SEMA6A: variants seen among roughly 807,000 people sequenced by gnomAD.
SEMA6A encodes semaphorin 6A.
SEMA6A carries 25 observed loss-of-function variants against 96.8 expected under a neutral mutation model. That is an observed-to-expected ratio of 0.26 (90% CI 0.19 to 0.36). SEMA6A has a LOEUF of 0.36. Among genes scored for constraint, SEMA6A ranks in the 10% least tolerant of loss-of-function variants. The pLI is 1.00. For synonymous variants in SEMA6A, 612 were observed against 518.0 expected (o/e 1.18, Z -2.46); for missense variants, 1,363 against 1,323.1 (o/e 1.03, Z -0.47).
At chr5:116,544,581 G>C (rs910730974) in intron 1 of SEMA6A, among the ~76,000 whole-genome samples, 20 of 152,176 alleles carry the variant, frequency 1.3e-4, no homozygotes, top group Admixed American at 3.3e-4. Context: ...TTACAGGCAT[G>C]AGCCATTGTA....
intron 1 of SEMA6A, among the ~76,000 whole-genome samples, chr5:116,511,063 A>G (rs1018543580): frequency 5.9e-5 from 9 of 152,192 alleles, no homozygotes; most frequent in African/African-American, 1.9e-4. Flanking sequence ...GCACATAGTA[A>G]ATACAGTCGT....
At chr5:116,558,096 C>T (rs1416064834) in intron 1 of SEMA6A, among the ~76,000 whole-genome samples, 1 of 152,098 alleles carries the variant, frequency 6.6e-6, no homozygotes, top group Non-Finnish European at 1.5e-5. Flanking sequence ...TTCTCTAGAA[C>T]CTTTCTAGAT....
chr5:116,476,517 T>G (rs1756457728), intron 15 of SEMA6A, among the ~76,000 whole-genome samples: 1 of 152,174 alleles, frequency 6.6e-6, no homozygotes, highest in African/African-American at 2.4e-5. Flanking sequence ...TTTCTAGTGG[T>G]AATGACAGCC....
chr5:116,552,744 A>G (rs1182861265), intron 1 of SEMA6A, among the ~76,000 whole-genome samples: 1 of 152,194 alleles, frequency 6.6e-6, no homozygotes, highest in Non-Finnish European at 1.5e-5. Flanking sequence ...AAGTGTTACT[A>G]ATGGGGCACT....
At chr5:116,473,200 C>T in intron 16 of SEMA6A, 107 bp from the exon 17 acceptor site, 4 of 1,057,228 alleles carry the variant, frequency 3.8e-6, no homozygotes, top group Non-Finnish European at 5.6e-6. Context: ...GCGTATGGTC[C>T]CCGATACTAA....
At chr5:116,536,084 G>C (rs1759693171) in intron 1 of SEMA6A, among the ~76,000 whole-genome samples, 1 of 152,078 alleles carries the variant, frequency 6.6e-6, no homozygotes, top group African/African-American at 2.4e-5. Flanking sequence ...CTTTGCATAG[G>C]AAAGTTCTTA....
At chr5:116,503,169 GGAAA>G (rs1029140892) in intron 2 of SEMA6A, among the ~76,000 whole-genome samples, 3 of 152,156 alleles carry the variant, frequency 2.0e-5, no homozygotes, top group Non-Finnish European at 4.4e-5. Context: ...AAACTCAGGA[GGAAA>G]GAAAGATGAG....
At chr5:116,503,088 T>A (rs1320831124) in intron 2 of SEMA6A, among the ~76,000 whole-genome samples, 1 of 152,166 alleles carries the variant, frequency 6.6e-6, no homozygotes, top group African/African-American at 2.4e-5. Context: ...ATCTGGCCTT[T>A]AAAAATACCT....
chr5:116,566,407 T>C (rs1243859975), intron 1 of SEMA6A, among the ~76,000 whole-genome samples: 2 of 152,198 alleles, frequency 1.3e-5, no homozygotes, highest in African/African-American at 2.4e-5. Flanking sequence ...TGAGGAAGTA[T>C]CTATTACTAA....
In SEMA6A at chr5:116,554,041, G is replaced by C. The variant is rs1381624770; in HGVS notation, c.-39+20144C>G. Among the ~76,000 whole-genome samples the C allele has an allele frequency of 2.6e-5, 4 of 152,098 alleles. 1 individual carries two copies. The highest frequency in any genetic ancestry group is 6.6e-5 in the Admixed American group (1 of 15,260). ...GAGACTTCAATAGGTAATGATAGGAGGAGGGCCACAGAGAGCCCTATAGTA... is the reference window on the plus strand; with the variant it reads ...GAGACTTCAATAGGTAATGATAGGACGAGGGCCACAGAGAGCCCTATAGTA... On this transcript the variant is annotated intron_variant, in intron 1 of 18. Coordinates refer to ENST00000343348, the MANE Select transcript of SEMA6A (RefSeq NM_020796.5).
In SEMA6A at chr5:116,502,221, G is replaced by A. The variant is rs773637913; in HGVS notation, c.207C>T (p.Tyr69=). 6.2e-7 allele frequency: 1 copy of A among 1,613,800 alleles called. No individual in the cohort carries two copies. The highest frequency in any genetic ancestry group is 1.1e-5 in the South Asian group (1 of 91,074). The change falls in exon 3 of 19, where the codon TAC becomes TAT. Residue 69 remains tyrosine (Y), a synonymous_variant. Transcript: ENST00000343348. ...QMIMIMNGTL[Y]IAARDHIYTV... Reference sequence around the variant, plus strand: ...AAAAGGCCCCTTACCTAGCAGCAATGTAGAGGGTTCCGTTCATGATCATAA... The same window carrying A: ...AAAAGGCCCCTTACCTAGCAGCAATATAGAGGGTTCCGTTCATGATCATAA...
Position 116,446,605 on chromosome 5 carries a change from C to G in SEMA6A, c.*8G>C, listed in dbSNP as rs756679773. 2 of 1,471,482 alleles carry G rather than the reference C, an allele frequency of 1.4e-6. No individual in the cohort carries two copies. The highest frequency in any genetic ancestry group is 1.8e-6 in the Non-Finnish European group (2 of 1,108,954). 91.2% of individuals were successfully genotyped at this position (1,471,482 alleles called of 1,614,324 possible). On this transcript the variant is annotated 3_prime_UTR_variant, in exon 19 of 19. Coordinates refer to ENST00000343348, the MANE Select transcript of SEMA6A (RefSeq NM_020796.5). ...GCTGGTTCGACACCTGACCCCCTCC[C>G]CCTGGGATTATGTACACGCATCATT...
intron 6 of SEMA6A, chr5:116,492,396 A>G (rs757022379): frequency 6.6e-6 from 1 of 152,242 alleles, no homozygotes; most frequent in Middle Eastern, 3.2e-3. Flanking sequence ...AAAGGTCCAG[A>G]GGCAAAAGCC....
intron 1 of SEMA6A, among the ~76,000 whole-genome samples, chr5:116,573,324 C>T (rs955846937): frequency 6.6e-6 from 1 of 152,060 alleles, no homozygotes. Flanking sequence ...CTTTCCAGAG[C>T]GAGACCGCGC....
chr5:116,524,783 C>CAG (rs1759137875), intron 1 of SEMA6A, among the ~76,000 whole-genome samples: 1 of 149,316 alleles, frequency 6.7e-6, no homozygotes, highest in African/African-American at 2.5e-5. Context: ...CACACACACA[C>CAG]ACACAGACAC....
chr5:116,521,616 G>A (rs1182818219), intron 1 of SEMA6A, among the ~76,000 whole-genome samples: 2 of 152,166 alleles, frequency 1.3e-5, no homozygotes, highest in African/African-American at 4.8e-5. Context: ...CCAGTTGGGG[G>A]ATGTTTTATT....
chr5:116,534,769 C>G (rs1038725370), intron 1 of SEMA6A, among the ~76,000 whole-genome samples: 3 of 152,186 alleles, frequency 2.0e-5, no homozygotes, highest in African/African-American at 7.2e-5. Flanking sequence ...GATCATGTCC[C>G]TTTTTTCACT....
At chr5:116,494,278 C>G (rs1191277373) in intron 6 of SEMA6A, among the ~76,000 whole-genome samples, 2 of 152,240 alleles carry the variant, frequency 1.3e-5, no homozygotes, top group Admixed American at 6.5e-5. Context: ...TCCCTGCTAA[C>G]TGGAATGCTT....
At chr5:116,540,119 A>C in intron 1 of SEMA6A, among the ~76,000 whole-genome samples, 1 of 152,144 alleles carries the variant, frequency 6.6e-6, no homozygotes, top group East Asian at 1.9e-4. Context: ...ATTGATCTTT[A>C]TATGCTCAGT....
Sources: gnomAD v4.1 joint callset for allele counts (sites outside exome capture counted in the v4.1 genomes callset) on GRCh38, gnomAD v4.1.1 for gene constraint, MANE v1.5 for transcripts, NCBI Gene and HGNC (gene_info 2026-07-23, HGNC 2026-07-21) for gene names.